Variants in PATJ observed in about 807,000 individuals in gnomAD.
PATJ encodes the protein PATJ crumbs cell polarity complex component, also known as inaD-like protein.
PATJ carries 190 observed loss-of-function variants against 224.9 expected under a neutral mutation model. The ratio of observed to expected loss-of-function variants is 0.84; its 90% CI spans 0.75 to 0.95. The LOEUF (loss-of-function observed/expected upper bound fraction) is 0.95. PATJ is among the 40% of genes least tolerant of loss of function. The pLI is 0.00. For synonymous variants in PATJ, 769 were observed against 820.3 expected (o/e 0.94, Z 1.07); for missense variants, 2,121 against 2,270.3 (o/e 0.93, Z 1.34).
At chr1:62,126,157 C>T (rs925501048) in intron 39 of PATJ, among the ~76,000 whole-genome samples, 1 of 152,180 alleles carries the variant, frequency 6.6e-6, no homozygotes, top group Non-Finnish European at 1.5e-5. Flanking sequence ...ATTGAGGATT[C>T]GTTTTCTTCA....
chr1:62,029,237 A>C (rs2148463375), intron 29 of PATJ, among the ~76,000 whole-genome samples: 1 of 152,364 alleles, frequency 6.6e-6, no homozygotes, highest in Non-Finnish European at 1.5e-5. Context: ...GAAGAGGCAG[A>C]AATGCTTCTT....
intron 27 of PATJ, among the ~76,000 whole-genome samples, chr1:61,973,529 T>C (rs1245415317): frequency 6.6e-6 from 1 of 152,034 alleles, no homozygotes; most frequent in African/African-American, 2.4e-5. Context: ...TATTTTTCCT[T>C]CTAGGAAATA....
intron 7 of PATJ, among the ~76,000 whole-genome samples, chr1:61,786,331 T>TA (rs1648513544): frequency 6.6e-6 from 1 of 152,164 alleles, no homozygotes; most frequent in African/African-American, 2.4e-5. Flanking sequence ...GAATCATGAC[T>TA]ATAAATACCT....
At chr1:61,855,949 A>T in intron 17 of PATJ, 81 bp from the exon 18 acceptor site, 1 of 949,262 alleles carries the variant, frequency 1.1e-6, no homozygotes. Flanking sequence ...AATAAGATTC[A>T]TCAGTCAACT....
At chr1:62,084,052 G>A (rs1470655196) in intron 32 of PATJ, among the ~76,000 whole-genome samples, 2 of 152,102 alleles carry the variant, frequency 1.3e-5, no homozygotes, top group African/African-American at 2.4e-5. Flanking sequence ...CCAGGAGTCC[G>A]AGACCAGCCT....
At chr1:61,852,049 C>G (rs1443102568) in intron 17 of PATJ, among the ~76,000 whole-genome samples, 1 of 149,916 alleles carries the variant, frequency 6.7e-6, no homozygotes, top group African/African-American at 2.5e-5. Flanking sequence ...CGGCACACAC[C>G]TGTAACATCA....
At chr1:61,939,760 C>T (rs190668061) in intron 27 of PATJ, among the ~76,000 whole-genome samples, 37 of 138,172 alleles carry the variant, frequency 2.7e-4, no homozygotes, top group Middle Eastern at 3.9e-3. Flanking sequence ...CTGCAACCTC[C>T]GCCTCCCAGT....
At position 61,795,068 on chromosome 1, in the gene PATJ, AAGACCTAGG is replaced by A. The variant is rs527691826; in HGVS notation, c.1169-394_1169-386del. Among the ~76,000 whole-genome samples the A allele has an allele frequency of 7.7e-4, 116 of 151,008 alleles. 1 individual carries two copies. In the South Asian group the frequency reaches 0.024, roughly 31 times the overall value. Reference sequence around the variant, plus strand: ...GAGCAGTGATCTAAATATAGGCAGGAAGACCTAGGAGACTCTTGTCATAGTGATGGTAAA... The same window carrying A: ...GAGCAGTGATCTAAATATAGGCAGGAAGACTCTTGTCATAGTGATGGTAAA... On this transcript the variant is annotated intron_variant, in intron 9 of 43. Transcript: ENST00000642238.
chr1:61,766,858 C>T (rs556033031), intron 4 of PATJ, among the ~76,000 whole-genome samples: 14 of 151,986 alleles, frequency 9.2e-5, no homozygotes, highest in Non-Finnish European at 1.6e-4. Context: ...TTTCTGAGGC[C>T]GAGGAGGGTG....
At chr1:61,859,582 T>TA (rs1664231912) in intron 18 of PATJ, among the ~76,000 whole-genome samples, 1 of 151,908 alleles carries the variant, frequency 6.6e-6, no homozygotes, top group African/African-American at 2.4e-5. Flanking sequence ...TCTCTCATAG[T>TA]AAAATTGACG....
chr1:61,890,070 TTA>T (rs973508289), intron 22 of PATJ, among the ~76,000 whole-genome samples: 3 of 152,220 alleles, frequency 2.0e-5, no homozygotes, highest in Non-Finnish European at 2.9e-5. Context: ...TGTGGATGTA[TTA>T]TGAGTGATGT....
intron 31 of PATJ, among the ~76,000 whole-genome samples, chr1:62,077,686 C>CAAAAAAA (rs11439364): frequency 2.5e-4 from 22 of 89,148 alleles, no homozygotes; most frequent in African/African-American, 8.6e-4. Flanking sequence ...AGACCCTGTC[C>CAAAAAAA]AAAAAAAAAA....
intron 41 of PATJ, among the ~76,000 whole-genome samples, chr1:62,143,438 A>ATTTTTTTT (rs34127211): frequency 2.7e-5 from 2 of 74,310 alleles, no homozygotes; most frequent in Non-Finnish European, 4.7e-5. Context: ...TAAGCTGGGA[A>ATTTTTTTT]TTTTTTTTTT....
chr1:61,805,438 T>C lies in PATJ; in HGVS notation c.1550-10T>C. 2 of 1,564,518 alleles carry C rather than the reference T, an allele frequency of 1.3e-6. No homozygotes were observed. The highest frequency in any genetic ancestry group is 1.4e-5 in the African/African-American group (1 of 73,754). The stretch of plus-strand genomic sequence containing the variant: ...TTCTCTCGCTCTCTCTCTTTTTTTT[T>C]AATATCCAGAAAAAGTCCCAGACTC... On this transcript the variant is annotated splice_polypyrimidine_tract_variant and intron_variant, in intron 12 of 43. Coordinates refer to ENST00000642238, the MANE Select transcript of PATJ (RefSeq NM_001350145.3).
At chr1:62,137,795 C>T (rs572611422) in intron 41 of PATJ, among the ~76,000 whole-genome samples, 1 of 152,134 alleles carries the variant, frequency 6.6e-6, no homozygotes, top group South Asian at 2.1e-4. Flanking sequence ...TGCAGCCTCC[C>T]CGTCCTCTGG....
chr1:61,791,837 A>G (rs952693833), intron 9 of PATJ, among the ~76,000 whole-genome samples: 4 of 148,096 alleles, frequency 2.7e-5, no homozygotes, highest in African/African-American at 9.9e-5. Context: ...TTTTATCACT[A>G]AAAAAAAAAG....
chr1:61,933,830 C>G (rs1001572819), intron 27 of PATJ, among the ~76,000 whole-genome samples: 1 of 152,210 alleles, frequency 6.6e-6, no homozygotes, highest in Non-Finnish European at 1.5e-5. Flanking sequence ...TCCCCCAACC[C>G]TAAAATGAAA....
chr1:62,111,858 C>T (rs1189767702), intron 34 of PATJ, among the ~76,000 whole-genome samples: 2 of 151,844 alleles, frequency 1.3e-5, no homozygotes, highest in East Asian at 3.9e-4. Flanking sequence ...GACGGGGTTT[C>T]ACTGTGTTGG....
intron 22 of PATJ, among the ~76,000 whole-genome samples, chr1:61,895,623 G>A (rs1403084418): frequency 6.6e-6 from 1 of 151,922 alleles, no homozygotes; most frequent in African/African-American, 2.4e-5. Flanking sequence ...AGATTTCAGA[G>A]GATGTATGAA....
Sources: gnomAD v4.1 joint callset for allele counts (sites outside exome capture counted in the v4.1 genomes callset) on GRCh38, gnomAD v4.1.1 for gene constraint, MANE v1.5 for transcripts, NCBI Gene and HGNC (gene_info 2026-07-23, HGNC 2026-07-21) for gene names.